EPC1: variants seen among roughly 807,000 people sequenced by gnomAD.
EPC1 encodes enhancer of polycomb 1.
EPC1 carries 12 observed loss-of-function variants against 98.4 expected under a neutral mutation model. The ratio of observed to expected loss-of-function variants is 0.12; its 90% CI spans 0.08 to 0.20. The LOEUF (loss-of-function observed/expected upper bound fraction) is 0.20. EPC1 is among the 10% of genes least tolerant of loss of function. The pLI is 1.00. For missense variants in EPC1, 729 were observed against 990.5 expected (o/e 0.74, Z 3.54); for synonymous variants, 357 against 363.9 (o/e 0.98, Z 0.21).
At chr10:32,269,994 C>T (rs971993920) in intron 13 of EPC1, among the ~76,000 whole-genome samples, 19 of 152,194 alleles carry the variant, frequency 1.2e-4, no homozygotes, top group Non-Finnish European at 2.4e-4. Context: ...TACTAACCTT[C>T]CTGAGCCTAT....
At chr10:32,337,765 A>G (rs1838064315) in intron 1 of EPC1, among the ~76,000 whole-genome samples, 1 of 152,110 alleles carries the variant, frequency 6.6e-6, no homozygotes, top group Non-Finnish European at 1.5e-5. Context: ...AGAGTTGACT[A>G]TACTTGCTAT....
chr10:32,302,081 A>G (rs749598392), intron 2 of EPC1, among the ~76,000 whole-genome samples: 6 of 150,734 alleles, frequency 4.0e-5, no homozygotes, highest in South Asian at 2.1e-4. Flanking sequence ...AGACCGTCCT[A>G]GCTAACATGG....
At chr10:32,361,186 G>A (rs973357257) in intron 1 of EPC1, among the ~76,000 whole-genome samples, 2 of 152,198 alleles carry the variant, frequency 1.3e-5, no homozygotes, top group Non-Finnish European at 2.9e-5. Context: ...TGGTTAAAAG[G>A]TCTGGCTCTG....
At chr10:32,282,510 T>G (rs1459594621) in intron 10 of EPC1, 4 of 152,004 alleles carry the variant, frequency 2.6e-5, no homozygotes, top group South Asian at 2.1e-4. Context: ...CAGAGAAAGA[T>G]CCTGTCTTAA....
intron 1 of EPC1, among the ~76,000 whole-genome samples, chr10:32,353,015 C>T (rs895907232): frequency 3.9e-5 from 6 of 152,002 alleles, no homozygotes; most frequent in South Asian, 2.1e-4. Flanking sequence ...ATTAGCTGGG[C>T]GTGGTGGCAC....
At chr10:32,376,435 G>T (rs1839873336) in intron 1 of EPC1, among the ~76,000 whole-genome samples, 1 of 151,908 alleles carries the variant, frequency 6.6e-6, no homozygotes, top group African/African-American at 2.4e-5. Flanking sequence ...ATAACCAGAG[G>T]GTTAGATAAT....
At chr10:32,361,039 A>G (rs997986965) in intron 1 of EPC1, among the ~76,000 whole-genome samples, 1 of 152,258 alleles carries the variant, frequency 6.6e-6, no homozygotes, top group African/African-American at 2.4e-5. Context: ...TCTCCAAGGC[A>G]ACTTAAAAGT....
chr10:32,351,370 ATG>A (rs1462775539), upstream of EPC1, among the ~76,000 whole-genome samples: 6 of 152,138 alleles, frequency 3.9e-5, no homozygotes, highest in African/African-American at 1.4e-4. Flanking sequence ...AGAAATCAGC[ATG>A]TCGGCTGGGT....
chr10:32,341,333 G>C (rs1378410674), intron 1 of EPC1, among the ~76,000 whole-genome samples: 9 of 150,952 alleles, frequency 6.0e-5, no homozygotes, highest in African/African-American at 2.2e-4. Context: ...GTGTGTGTCT[G>C]TGTGTGTGTA....
chr10:32,330,262 AT>A (rs1292333217), intron 1 of EPC1, among the ~76,000 whole-genome samples: 2 of 152,216 alleles, frequency 1.3e-5, no homozygotes, highest in South Asian at 2.1e-4. Context: ...AATACCTTGA[AT>A]TATGGAAGTA....
At chr10:32,366,265 T>C (rs1839602013) in intron 1 of EPC1, among the ~76,000 whole-genome samples, 1 of 152,204 alleles carries the variant, frequency 6.6e-6, no homozygotes, top group Non-Finnish European at 1.5e-5. Context: ...TGCAAAAGCA[T>C]TGTACTATAA....
At chr10:32,313,817 C>A (rs964432314) in intron 1 of EPC1, among the ~76,000 whole-genome samples, 1 of 151,820 alleles carries the variant, frequency 6.6e-6, no homozygotes, top group Admixed American at 6.6e-5. Flanking sequence ...ACCTGGGAGG[C>A]GGAGGCTGCA....
In EPC1 at chr10:32,284,833, G is replaced by A; in HGVS notation, c.1609C>T (p.His537Tyr). Residue 537 changes from histidine (H) to tyrosine (Y), a missense_variant, in exon 10 of 14, where the codon CAT becomes TAT. Around this residue, in one of 6 missense-constraint regions of EPC1, gnomAD observed 390 missense variants for 438.6 expected, o/e 0.89. Transcript: ENST00000319778. ...GAGAGTTCATCATTGTCACTGTCAT[G>A]TAGGGATGGTGTCCGAGGCCTAAAA... ...RHFRPRTPSLHDSDNDELSCR... is the reference protein window; with the variant it reads ...RHFRPRTPSLYDSDNDELSCR... 3 of 1,614,190 alleles carry A rather than the reference G, an allele frequency of 1.9e-6. No homozygotes were observed. In the South Asian group the frequency reaches 3.3e-5, roughly 18 times the overall value.
At chr10:32,298,063 C>T (rs531723251) in intron 2 of EPC1, among the ~76,000 whole-genome samples, 1 of 152,300 alleles carries the variant, frequency 6.6e-6, no homozygotes, top group East Asian at 1.9e-4. Context: ...TCCCAAAGGG[C>T]TGGGATTACA....
chr10:32,311,154 CA>C (rs1256477023), intron 1 of EPC1, among the ~76,000 whole-genome samples: 5 of 150,082 alleles, frequency 3.3e-5, no homozygotes, highest in South Asian at 2.1e-4. Context: ...ACTAAAAATA[CA>C]AAAAAAAATT....
intron 1 of EPC1, among the ~76,000 whole-genome samples, chr10:32,363,214 C>G (rs1373086476): frequency 6.6e-6 from 1 of 152,154 alleles, no homozygotes. Flanking sequence ...CCTGGGACTA[C>G]AGGCATGTGC....
chr10:32,324,140 T>TGTTA (rs1218387965), intron 1 of EPC1, among the ~76,000 whole-genome samples: 1 of 151,710 alleles, frequency 6.6e-6, no homozygotes, highest in Non-Finnish European at 1.5e-5. Context: ...GGTTTCACCA[T>TGTTA]GTTAGCCAGG....
intron 1 of EPC1, among the ~76,000 whole-genome samples, chr10:32,364,943 T>G (rs1024356808): frequency 6.6e-6 from 1 of 151,296 alleles, no homozygotes; most frequent in Non-Finnish European, 1.5e-5. Context: ...TCGGCTATCG[T>G]TTGTATATTT....
At chr10:32,329,416 C>G (rs1837504039) in intron 1 of EPC1, among the ~76,000 whole-genome samples, 1 of 152,166 alleles carries the variant, frequency 6.6e-6, no homozygotes, top group Non-Finnish European at 1.5e-5. Context: ...GTTTATAGCC[C>G]AACCATACCT....
Sources: gnomAD v4.1 joint callset for allele counts (sites outside exome capture counted in the v4.1 genomes callset) on GRCh38, gnomAD v4.1.1 for gene constraint, gnomAD v4.1.1 regional missense constraint, MANE v1.5 for transcripts, NCBI Gene and HGNC (gene_info 2026-07-23, HGNC 2026-07-21) for gene names.